Variants in CLIP1 observed in about 807,000 individuals in gnomAD.
CLIP1 encodes CAP-Gly domain containing linker protein 1, also known as CAP-Gly domain-containing linker protein 1.
In CLIP1, 66 loss-of-function variants were observed where a neutral mutation model predicts 161.6. The ratio of observed to expected loss-of-function variants is 0.41; its 90% CI spans 0.33 to 0.50. CLIP1 has a LOEUF of 0.50. Among genes scored for constraint, CLIP1 ranks in the 20% least tolerant of loss-of-function variants. CLIP1 has a pLI of 0.27. For synonymous variants in CLIP1, 598 were observed against 626.2 expected, an observed-to-expected ratio of 0.96 and a Z score of 0.67; for missense variants, 1,376 against 1,702.0, an observed-to-expected ratio of 0.81 and a Z score of 3.37.
intron 1 of CLIP1, among the ~76,000 whole-genome samples, chr12:122,391,764 TTAGA>T (rs1002894650): frequency 4.6e-5 from 7 of 152,158 alleles, no homozygotes; most frequent in African/African-American, 1.7e-4. Flanking sequence ...ATTTAGCGCG[TTAGA>T]TACTGTCATA....
In CLIP1 at chr12:122,341,508, G is replaced by A. The variant is rs770478534; in HGVS notation, c.1696C>T (p.His566Tyr). 1 of 1,613,876 alleles carries A rather than the reference G, an allele frequency of 6.2e-7. No homozygotes were observed. Among genetic ancestry groups the A allele is most frequent in the Non-Finnish European group, 8.5e-7 (1 of 1,179,986 alleles). ...QEKLEVTRTD[H>Y]QREITSLKEH... ...TTCAGAGAAGTTATTTCTCTCTGGT[G>A]GTCAGTACGGGTGACTTCTAACTTT... The change falls in exon 11 of 26, where the codon CAC becomes TAC. Residue 566 changes from histidine (H) to tyrosine (Y), a missense_variant. His to Tyr is a moderately conservative substitution (Grantham distance 83). This residue lies in a region of CLIP1 where 948 missense variants were observed against 1,134.8 expected (regional missense o/e 0.84). Coordinates refer to ENST00000620786, the MANE Select transcript of CLIP1 (RefSeq NM_001247997.2).
intron 3 of CLIP1, among the ~76,000 whole-genome samples, chr12:122,365,060 G>A (rs1301250553): frequency 6.6e-6 from 1 of 151,890 alleles, no homozygotes; most frequent in African/African-American, 2.4e-5. Flanking sequence ...ACAGTAAGGG[G>A]AACATCACAC....
intron 18 of CLIP1, among the ~76,000 whole-genome samples, chr12:122,317,681 C>T (rs2136607040): frequency 6.6e-6 from 1 of 152,294 alleles, no homozygotes; most frequent in South Asian, 2.1e-4. Context: ...CTCCTACAGC[C>T]AGAAAAGGGA....
At chr12:122,282,142 A>G (rs993791870) in intron 21 of CLIP1, among the ~76,000 whole-genome samples, 2 of 152,208 alleles carry the variant, frequency 1.3e-5, no homozygotes, top group Non-Finnish European at 2.9e-5. Flanking sequence ...AAGAAATTTG[A>G]CTTGTGATTT....
chr12:122,410,448 C>A (rs1956486363), intron 1 of CLIP1, among the ~76,000 whole-genome samples: 1 of 146,984 alleles, frequency 6.8e-6, no homozygotes, highest in South Asian at 2.1e-4. Context: ...TACACACAGA[C>A]ACACACACAC....
In CLIP1 at chr12:122,278,371, G is replaced by A. The variant is rs187889950; in HGVS notation, c.3917-168C>T. On this transcript the variant is annotated intron_variant, in intron 23 of 25. Coordinates refer to ENST00000620786, the MANE Select transcript of CLIP1 (RefSeq NM_001247997.2). ...TGTGGATGAGTTTGTGTCCCCTTGC[G>A]GGACCCTACAGGGTCTCACAGACAC... The A allele has an allele frequency of 8.3e-5, 56 of 671,086 alleles. No individual in the cohort carries two copies. The East Asian group carries it at 1.0e-3, about 12-fold the overall frequency. 41.6% of individuals were successfully genotyped at this position (671,086 alleles called of 1,614,324 possible).
At chr12:122,305,279 T>A (rs1466545440) in intron 20 of CLIP1, among the ~76,000 whole-genome samples, 1 of 152,124 alleles carries the variant, frequency 6.6e-6, no homozygotes, top group Admixed American at 6.5e-5. Context: ...GAATTCCCTA[T>A]GAAAAGAAAA....
At chr12:122,338,199 G>A (rs779926337) in intron 11 of CLIP1, among the ~76,000 whole-genome samples, 12 of 151,708 alleles carry the variant, frequency 7.9e-5, no homozygotes, top group South Asian at 2.1e-4. Context: ...TTAGCCAGGC[G>A]TGGTGGCACA....
chr12:122,323,062 G>A lies in CLIP1; in HGVS notation c.3250-3714C>T, dbSNP rs1951576382. 1 of 152,526 alleles carries A rather than the reference G, an allele frequency of 6.6e-6. No homozygotes were observed. Among genetic ancestry groups the A allele is most frequent in the Non-Finnish European group, 1.5e-5 (1 of 68,024 alleles). 9.4% of individuals were successfully genotyped at this position (152,526 alleles called of 1,614,324 possible). On this transcript the variant is annotated intron_variant, in intron 17 of 25. Transcript: ENST00000620786. The surrounding 1 kb of genome is among the most constrained non-coding windows in gnomAD (Gnocchi z 4.1). The stretch of plus-strand genomic sequence containing the variant: ...TATTCTCTTGCACAACTAAACTTCT[G>A]TTTGCAGACTCTTGATCACATTGCC...
Position 122,355,914 on chromosome 12 carries a change from A to C in CLIP1, c.1006-602T>G, listed in dbSNP as rs1037470344. Reference sequence around the variant, plus strand: ...CTCAGCCACTGCTGGCTCCAGATCAAGTCAGCCTTGACTTCATCTTCTGCA... The same window carrying C: ...CTCAGCCACTGCTGGCTCCAGATCACGTCAGCCTTGACTTCATCTTCTGCA... On this transcript the variant is annotated intron_variant, in intron 5 of 25. Transcript: ENST00000620786. This position sits in a 1 kb window ranked among gnomAD's most constrained non-coding sequence, Gnocchi z 4.1. The C allele has an allele frequency of 2.8e-4, 42 of 152,372 alleles. 2 individuals carry two copies. 9.4% of individuals were successfully genotyped at this position (152,372 alleles called of 1,614,324 possible).
chr12:122,338,269 C>T lies in CLIP1; in HGVS notation c.2452-1521G>A, dbSNP rs1193710634. 4.0e-5 allele frequency among the ~76,000 whole-genome samples: 6 copies of T among 151,276 alleles called. No individual in the cohort carries two copies. In the East Asian group the frequency reaches 9.8e-4, roughly 25 times the overall value. ...AGGAGAATCCCTTGAGCCTGGGAGG[C>T]GGAGGCTGCAGTGAGGGTGACAGAA... On this transcript the variant is annotated intron_variant, in intron 11 of 25. Coordinates refer to ENST00000620786, the MANE Select transcript of CLIP1 (RefSeq NM_001247997.2).
chr12:122,389,758 CAAAAAAAAAA>C (rs57168188), intron 1 of CLIP1, among the ~76,000 whole-genome samples: 30,164 of 71,146 alleles, frequency 0.42, 4,116 homozygotes, highest in Admixed American at 0.55. Context: ...GATCCTGTCT[CAAAAAAAAAA>C]AAAAAAAAAA....
At chr12:122,365,456 G>A (rs1469553477) in intron 3 of CLIP1, 3 of 783,670 alleles carry the variant, frequency 3.8e-6, no homozygotes, top group Non-Finnish European at 7.0e-6. Flanking sequence ...TAAGAGCCAA[G>A]ATAGCTTCCT....
intron 25 of CLIP1, among the ~76,000 whole-genome samples, chr12:122,273,569 T>C (rs541011018): frequency 3.9e-5 from 6 of 152,140 alleles, no homozygotes; most frequent in African/African-American, 1.4e-4. Context: ...AATCTTCATG[T>C]CAAAGCATTT....
rs555493886 is a variant in CLIP1, at chr12:122,367,238, A to G, written c.658-3131T>C. The stretch of plus-strand genomic sequence containing the variant: ...AATCACAAATAACAAATTAGCAACT[A>G]TTTCTCTAAATGCAGGTAATATACA... On this transcript the variant is annotated intron_variant, in intron 3 of 25. Coordinates refer to ENST00000620786, the MANE Select transcript of CLIP1 (RefSeq NM_001247997.2). Among the ~76,000 whole-genome samples, 4 of 152,280 alleles carry G rather than the reference A, an allele frequency of 2.6e-5. No homozygotes were observed. The South Asian group carries it at 6.2e-4, about 24-fold the overall frequency.
upstream of CLIP1, chr12:122,422,728 G>GGCCA (rs1425336798): frequency 1.4e-5 from 2 of 139,210 alleles, no homozygotes; most frequent in African/African-American, 2.6e-5. Flanking sequence ...CCGCCCGGCC[G>GGCCA]GCCCGGCCGG....
intron 24 of CLIP1, chr12:122,277,336 G>GTTTTTTGTT (rs1240115075): frequency 2.9e-5 from 4 of 137,194 alleles, no homozygotes; most frequent in Non-Finnish European, 6.0e-5. Context: ...CTGCAGGATT[G>GTTTTTTGTT]TTTTTTGTTT....
chr12:122,365,673 T>C, intron 3 of CLIP1: 1 of 582,308 alleles, frequency 1.7e-6, no homozygotes, highest in Non-Finnish European at 2.9e-6. Flanking sequence ...ACCTCTGGGC[T>C]ATTTAAAAAA....
chr12:122,349,757 TC>T (rs2136426091), intron 9 of CLIP1, among the ~76,000 whole-genome samples: 1 of 152,130 alleles, frequency 6.6e-6, no homozygotes, highest in South Asian at 2.1e-4. Context: ...AGGGGGGAAA[TC>T]CCATGCAGAC....
Sources: allele counts gnomAD v4.1 joint callset (sites outside exome capture counted in the v4.1 genomes callset), GRCh38; gene constraint gnomAD v4.1.1; regional missense constraint gnomAD v4.1.1; non-coding constraint Gnocchi (gnomAD v3.1); transcripts MANE v1.5; gene names NCBI Gene and HGNC (gene_info 2026-07-23, HGNC 2026-07-21).